Variants in MIS18A observed in about 807,000 individuals in gnomAD.
The protein encoded by MIS18A is MIS18 kinetochore protein A.
MIS18A carries 14 observed loss-of-function variants against 25.0 expected under a neutral mutation model. That is an observed-to-expected ratio of 0.56 (90% CI 0.37 to 0.88). The LOEUF is 0.88. MIS18A is among the 40% of genes least tolerant of loss of function. MIS18A has a pLI of 0.00. For missense variants in MIS18A, 292 were observed against 290.8 expected (o/e 1.00, Z -0.03); for synonymous variants, 134 against 118.6 (o/e 1.13, Z -0.84).
the MIS18A span, among the ~76,000 whole-genome samples, chr21:32,169,051 C>T: frequency 4.3e-4 from 65 of 152,102 alleles, 1 homozygote; most frequent in Non-Finnish European, 8.1e-4. Context: ...GGAAATTAAC[C>T]AAAGGCTAAC....
chr21:32,269,520 AT>A, intron 4 of MIS18A, 186 bp downstream of exon 4: 1 of 530,724 alleles, frequency 1.9e-6, no homozygotes, highest in Non-Finnish European at 3.4e-6. Context: ...CTTCCTCATT[AT>A]TTTGTTGATT....
chr21:32,219,833 C>T, the MIS18A span, among the ~76,000 whole-genome samples: 1 of 152,144 alleles, frequency 6.6e-6, no homozygotes, highest in Non-Finnish European at 1.5e-5. Context: ...GGTGATTTCC[C>T]CCTCACAGTG....
the MIS18A span, among the ~76,000 whole-genome samples, chr21:32,188,666 G>T: frequency 5.3e-5 from 8 of 152,196 alleles, no homozygotes. Flanking sequence ...GTATCCCAGT[G>T]ACTGGTGTGG....
rs371362374 is a variant in MIS18A, at chr21:32,274,827, C to A, written c.401+3G>T. 1.1e-5 allele frequency: 17 copies of A among 1,607,952 alleles called. No homozygotes were observed. Among genetic ancestry groups the A allele is most frequent in the Non-Finnish European group, 1.3e-5 (15 of 1,175,254 alleles). ...ATATTCATATAAATACAGTTTTACTCACCAACCATTTTCCTTTTCACGTTT... is the reference window on the plus strand; with the variant it reads ...ATATTCATATAAATACAGTTTTACTAACCAACCATTTTCCTTTTCACGTTT... On this transcript the variant is annotated splice_donor_region_variant and intron_variant, in intron 2 of 4. Transcript: ENST00000290130.
the MIS18A span, among the ~76,000 whole-genome samples, chr21:32,259,276 TC>T: frequency 6.6e-6 from 1 of 152,214 alleles, no homozygotes; most frequent in Non-Finnish European, 1.5e-5. Context: ...GCCTCCTCGC[TC>T]CAAGACCGCA....
downstream of MIS18A, among the ~76,000 whole-genome samples, chr21:32,265,389 C>T (rs13046586): frequency 0.15 from 22,436 of 152,194 alleles, 2,185 homozygotes; most frequent in East Asian, 0.3. Flanking sequence ...GCTGGAGTTC[C>T]GGGTGGGCGT....
the MIS18A span, among the ~76,000 whole-genome samples, chr21:32,189,811 C>T: frequency 2.0e-5 from 3 of 152,206 alleles, no homozygotes; most frequent in South Asian, 6.2e-4. Flanking sequence ...CCTCTGCATC[C>T]ACCCTGTCAC....
chr21:32,202,558 T>TCACCAC, the MIS18A span, among the ~76,000 whole-genome samples: 1 of 152,212 alleles, frequency 6.6e-6, no homozygotes, highest in African/African-American at 2.4e-5. Context: ...TGTGCAACCA[T>TCACCAC]CACCACCACC....
the MIS18A span, among the ~76,000 whole-genome samples, chr21:32,254,707 T>C: frequency 1.5e-4 from 23 of 152,196 alleles, no homozygotes; most frequent in Non-Finnish European, 3.4e-4. Flanking sequence ...TAGGGTTCTA[T>C]GCTGGGCCGG....
At chr21:32,167,931 T>C in the MIS18A span, among the ~76,000 whole-genome samples, 6 of 152,188 alleles carry the variant, frequency 3.9e-5, no homozygotes, top group Non-Finnish European at 8.8e-5. Context: ...AGGACGTTGT[T>C]ATGGACTGAA....
chr21:32,274,199 T>C (rs2031766544), intron 2 of MIS18A, among the ~76,000 whole-genome samples: 1 of 54,880 alleles, frequency 1.8e-5, no homozygotes, highest in Non-Finnish European at 3.4e-5. Flanking sequence ...CTTTTCTTCT[T>C]TTTTTTTTTT....
At chr21:32,254,396 T>C in the MIS18A span, among the ~76,000 whole-genome samples, 1 of 151,608 alleles carries the variant, frequency 6.6e-6, no homozygotes, top group Admixed American at 6.6e-5. Context: ...CCAGGTGTGG[T>C]GGCAGGCACC....
the MIS18A span, among the ~76,000 whole-genome samples, chr21:32,156,767 A>AG: frequency 5.9e-5 from 9 of 152,002 alleles, no homozygotes; most frequent in African/African-American, 1.9e-4. Context: ...AGATTTGATA[A>AG]GGCTTCTTAA....
chr21:32,256,151 C>A, the MIS18A span, among the ~76,000 whole-genome samples: 2,509 of 152,224 alleles, frequency 0.016, 71 homozygotes, highest in African/African-American at 0.056. Flanking sequence ...TCCCCAGAAA[C>A]CTCGTGTATT....
rs1256117433 is a variant in MIS18A at position 32,279,018 on chromosome 21, C to T, written c.-4G>A. The T allele has an allele frequency of 6.3e-7, 1 of 1,588,190 alleles. No individual in the cohort carries two copies. Among genetic ancestry groups the T allele is most frequent in the African/African-American group, 1.3e-5 (1 of 74,496 alleles). ...TCAGTGACCGAACGCCTGCCATTAC[C>T]TACAAATCGCCCGCGCCCCAGAGCG... On this transcript the variant is annotated 5_prime_UTR_variant, in exon 1 of 5. An upstream open reading frame in the 5' UTR loses its in-frame stop. Coordinates refer to ENST00000290130, the MANE Select transcript of MIS18A (RefSeq NM_018944.3).
the MIS18A span, among the ~76,000 whole-genome samples, chr21:32,186,655 C>T: frequency 0.25 from 37,431 of 151,982 alleles, 5,667 homozygotes; most frequent in African/African-American, 0.43. Context: ...AAAGAGAGAG[C>T]GCAAGAGTGA....
rs748347501 is a variant in MIS18A at position 32,269,055 on chromosome 21, A to G, written c.684T>C (p.Phe228=). 6.2e-7 allele frequency: 1 copy of G among 1,604,130 alleles called. No individual in the cohort carries two copies. The highest frequency in any genetic ancestry group is 8.5e-7 in the Non-Finnish European group (1 of 1,173,750). Residue 228 remains phenylalanine, a synonymous_variant, in exon 5 of 5, where the codon TTT becomes TTC. Transcript: ENST00000290130. ...KLWEAESKLS[F]ATCKS ...CTAGAGTTCAGCTTTTACAAGTGGCAAAGGACAATTTGGATTCGGCCTCCC... is the reference window on the plus strand; with the variant it reads ...CTAGAGTTCAGCTTTTACAAGTGGCGAAGGACAATTTGGATTCGGCCTCCC...
the MIS18A span, among the ~76,000 whole-genome samples, chr21:32,185,672 T>A: frequency 2.6e-5 from 4 of 152,134 alleles, no homozygotes; most frequent in Admixed American, 2.0e-4. Flanking sequence ...TTGCTGCCTC[T>A]GGGTCTGGCA....
chr21:32,195,584 G>A, the MIS18A span, among the ~76,000 whole-genome samples: 2 of 152,180 alleles, frequency 1.3e-5, no homozygotes. Flanking sequence ...GGTCCTTTCT[G>A]GAACTTTCTG....
Sources: gnomAD v4.1 joint callset for allele counts (sites outside exome capture counted in the v4.1 genomes callset) on GRCh38, gnomAD v4.1.1 for gene constraint, MANE v1.5 for transcripts, NCBI Gene and HGNC (gene_info 2026-07-23, HGNC 2026-07-21) for gene names.